BYSL: variants seen among roughly 807,000 people sequenced by gnomAD.
BYSL encodes the protein bystin.
A neutral mutation model predicts 45.4 loss-of-function variants in BYSL; 21 were observed. The observed-to-expected ratio is 0.46, with a 90% confidence interval of 0.33 to 0.67. The LOEUF is 0.67. BYSL is among the 30% of genes least tolerant of loss of function. The pLI is 0.02. For synonymous variants in BYSL, 215 were observed against 231.3 expected, an observed-to-expected ratio of 0.93 and a Z score of 0.64; for missense variants, 522 against 578.5, an observed-to-expected ratio of 0.90 and a Z score of 1.00.
At chr6:41,929,112 G>A (rs1775601655) in intron 2 of BYSL, among the ~76,000 whole-genome samples, 1 of 152,126 alleles carries the variant, frequency 6.6e-6, no homozygotes, top group African/African-American at 2.4e-5. Context: ...ATGTTGGCCA[G>A]GCTGGTCTCA....
chr6:41,928,336 A>G (rs1040145830), intron 2 of BYSL, among the ~76,000 whole-genome samples: 22 of 152,196 alleles, frequency 1.4e-4, no homozygotes, highest in Admixed American at 6.5e-5. Flanking sequence ...TGCTAATCAT[A>G]CTATAAAAGG....
rs1321643375 is a variant in BYSL, at chr6:41,932,431, G to A, written c.1039G>A (p.Asp347Asn). 6.2e-7 allele frequency: 1 copy of A among 1,614,134 alleles called. No individual in the cohort carries two copies. Among genetic ancestry groups the A allele is most frequent in the Non-Finnish European group, 8.5e-7 (1 of 1,180,042 alleles). ...ANSIFLRLLL[D>N]KKYALPYRVL... ...CAGCATCTTCCTGCGACTGCTGCTG[G>A]ATAAGAAGTATGCACTGCCTTACCG... The change falls in exon 7 of 7, where the codon GAT becomes AAT. Residue 347 changes from aspartate (D) to asparagine (N), a missense_variant. Coordinates refer to ENST00000230340, the MANE Select transcript of BYSL (RefSeq NM_004053.4). This position sits in a 1 kb window ranked among gnomAD's most constrained non-coding sequence, Gnocchi z 4.7.
chr6:41,917,985 C>A, upstream of BYSL: 7 of 250,914 alleles, frequency 2.8e-5, no homozygotes, highest in East Asian at 1.1e-4. Flanking sequence ...ACAGTATTCA[C>A]GAAAATTGAA....
upstream of BYSL, among the ~76,000 whole-genome samples, chr6:41,919,549 T>C (rs1299252925): frequency 6.6e-6 from 1 of 152,180 alleles, no homozygotes; most frequent in Non-Finnish European, 1.5e-5. Context: ...AAACTGACGC[T>C]ACAAGTGACA....
At position 41,930,118 on chromosome 6, in the gene BYSL, A is replaced by G; in HGVS notation, c.432-14A>G. The G allele has an allele frequency of 6.2e-7, 1 of 1,613,926 alleles. No homozygotes were observed. The highest frequency in any genetic ancestry group is 8.5e-7 in the Non-Finnish European group (1 of 1,179,932). On this transcript the variant is annotated splice_polypyrimidine_tract_variant and intron_variant, in intron 2 of 6. Coordinates refer to ENST00000230340, the MANE Select transcript of BYSL (RefSeq NM_004053.4). ...GCCCCCTCTCTCCCCTCCTCTTGGC[A>G]CTTCCCCTCTTAGGCGCACCCTGGC... is the stretch of plus-strand genomic sequence containing the variant.
At chr6:41,911,697 G>T in the BYSL span, among the ~76,000 whole-genome samples, 4 of 152,140 alleles carry the variant, frequency 2.6e-5, no homozygotes, top group Non-Finnish European at 5.9e-5. Context: ...CGAGGGCGGC[G>T]AGAGCAGAGG....
the BYSL span, chr6:41,913,021 G>C: frequency 6.6e-6 from 1 of 150,910 alleles, no homozygotes; most frequent in Admixed American, 6.6e-5. Context: ...GGGGCTGGAG[G>C]ATCACTTGAG....
Position 41,921,641 on chromosome 6 carries a change from A to G in BYSL, c.79A>G (p.Asn27Asp). 1 of 1,613,576 alleles carries G rather than the reference A, an allele frequency of 6.2e-7. No homozygotes were observed. Among genetic ancestry groups the G allele is most frequent in the Non-Finnish European group, 8.5e-7 (1 of 1,179,842 alleles). The change falls in exon 1 of 7, where the codon AAT becomes GAT. Residue 27 changes from asparagine to aspartate, a missense_variant. Asn to Asp is a conservative substitution (Grantham distance 23). Transcript: ENST00000230340. Reference protein sequence around the residue: ...APLADQILAGNAVRAGVREKR... With the variant: ...APLADQILAGDAVRAGVREKR... ...CCTGGCCGATCAGATCCTGGCTGGG[A>G]ATGCGGTGCGGGCGGGGGTCCGGGA...
At chr6:41,918,510 GA>G (rs1031744505), upstream of BYSL, among the ~76,000 whole-genome samples, 58 of 116,362 alleles carry the variant, frequency 5.0e-4, no homozygotes, top group Admixed American at 6.8e-4. Context: ...ATCTCAAAAA[GA>G]AAAAAAAAAA....
chr6:41,921,931 A>AG (rs1423353048), intron 1 of BYSL, 101 bp downstream of exon 1: 1 of 1,442,814 alleles, frequency 6.9e-7, no homozygotes, highest in Non-Finnish European at 9.2e-7. Flanking sequence ...GAGTCAACAA[A>AG]GGGGTCCGTA....
chr6:41,928,160 C>T (rs1323445409), intron 2 of BYSL, among the ~76,000 whole-genome samples: 1 of 152,184 alleles, frequency 6.6e-6, no homozygotes, highest in Non-Finnish European at 1.5e-5. Flanking sequence ...AGCTCCAAAA[C>T]ATGCAGGCAT....
chr6:41,921,886 G>A (rs1353184310), intron 1 of BYSL, 56 bp downstream of exon 1: 2 of 1,544,044 alleles, frequency 1.3e-6, no homozygotes, highest in African/African-American at 1.4e-5. Flanking sequence ...GGGCGGGGTG[G>A]GCAGCTAAAA....
chr6:41,915,977 TG>T, the BYSL span, among the ~76,000 whole-genome samples: 1 of 152,152 alleles, frequency 6.6e-6, no homozygotes, highest in African/African-American at 2.4e-5. Flanking sequence ...CCAGGAGTGG[TG>T]GCTCATACCT....
intron 1 of BYSL, among the ~76,000 whole-genome samples, chr6:41,923,723 C>A (rs1775524060): frequency 1.2e-4 from 19 of 152,282 alleles, no homozygotes; most frequent in Middle Eastern, 3.4e-3. Context: ...GTGTGAGCTA[C>A]TGCACCCTGC....
Position 41,930,258 on chromosome 6 carries a change from G to C in BYSL, c.558G>C (p.Arg186Ser), listed in dbSNP as rs764938283. The change falls in exon 3 of 7, where the codon AGG becomes AGC. Residue 186 changes from arginine (R) to serine (S), a missense_variant. Arg to Ser is a moderately radical substitution (Grantham distance 110). Coordinates refer to ENST00000230340, the MANE Select transcript of BYSL (RefSeq NM_004053.4). ...ACCCCCGGGTCCTAGAAGTGTACAG[G>C]GGGGTCCGGGAGGTAAGAGCTGAGA... ...QLDPRVLEVY[R>S]GVREVLSKYR... 8.1e-6 allele frequency: 13 copies of C among 1,613,978 alleles called. No homozygotes were observed. The highest frequency in any genetic ancestry group is 1.0e-5 in the Non-Finnish European group (12 of 1,179,988).
At chr6:41,914,997 T>C in the BYSL span, among the ~76,000 whole-genome samples, 2 of 152,234 alleles carry the variant, frequency 1.3e-5, no homozygotes, top group Non-Finnish European at 2.9e-5. Context: ...GTAGATTATG[T>C]GGCCTACAGC....
Position 41,932,634 on chromosome 6 carries a change from GCC to G in BYSL, c.1244_1245del (p.Pro415ArgfsTer5). The stretch of plus-strand genomic sequence containing the variant: ...GGCTGCAGCCCCATCCACAGCTATC[GCC>G]CGAAATCAGGCGTGAGCTTCAGAGT... ...LRLQPHPQLS[P>X]EIRRELQSAV... On this transcript the variant is annotated frameshift_variant, in exon 7 of 7. Coordinates refer to ENST00000230340, the MANE Select transcript of BYSL (RefSeq NM_004053.4). LOFTEE classifies it high-confidence loss of function. This position sits in a 1 kb window ranked among gnomAD's most constrained non-coding sequence, Gnocchi z 4.7. 1 of 1,614,196 alleles carries G rather than the reference GCC, an allele frequency of 6.2e-7. No homozygotes were observed.
chr6:41,919,465 ACTACT>A (rs532734416), upstream of BYSL, among the ~76,000 whole-genome samples: 4 of 152,180 alleles, frequency 2.6e-5, no homozygotes, highest in African/African-American at 9.7e-5. Context: ...AAAAATTGTC[ACTACT>A]CTATCAGAAA....
intron 1 of BYSL, among the ~76,000 whole-genome samples, chr6:41,926,257 G>A (rs1205858857): frequency 1.3e-5 from 2 of 152,240 alleles, no homozygotes; most frequent in South Asian, 2.1e-4. Context: ...AATCAAACCC[G>A]AATATGTGTA....
Sources: gnomAD v4.1 joint callset for allele counts (sites outside exome capture counted in the v4.1 genomes callset) on GRCh38, gnomAD v4.1.1 for gene constraint, Gnocchi (gnomAD v3.1) non-coding constraint, MANE v1.5 for transcripts, NCBI Gene and HGNC (gene_info 2026-07-23, HGNC 2026-07-21) for gene names.